The following MIGA2 variants were observed in gnomAD, a reference collection of about 807,000 sequenced individuals.
MIGA2 encodes the protein mitoguardin 2, also known as family with sequence similarity 73, member B.
In MIGA2, 36 loss-of-function variants were observed where a neutral mutation model predicts 69.9. That is an observed-to-expected ratio of 0.52 (90% CI 0.39 to 0.68). The LOEUF is 0.68. Among genes scored for constraint, MIGA2 ranks in the 30% least tolerant of loss-of-function variants. The pLI is 0.00. For missense variants in MIGA2, 660 were observed against 787.7 expected (o/e 0.84, Z 1.94); for synonymous variants, 333 against 349.2 (o/e 0.95, Z 0.52).
At chr9:129,067,996 C>A (rs776918878) in intron 12 of MIGA2, 125 bp downstream of exon 12, 76 of 1,282,078 alleles carry the variant, frequency 5.9e-5, no homozygotes, top group Non-Finnish European at 6.8e-5. Context: ...TGCTCATAGT[C>A]CCCGGTTCCT....
Position 129,040,621 on chromosome 9 carries a change from G to A in MIGA2, c.27G>A (p.Thr9=), listed in dbSNP as rs778117776. 10 of 1,613,510 alleles carry A rather than the reference G, an allele frequency of 6.2e-6. No individual in the cohort carries two copies. The highest frequency in any genetic ancestry group is 4.0e-5 in the African/African-American group (3 of 74,940). Reference sequence around the variant, plus strand: ...TGGCGTTCCGGAGGGCCGAGGGCACGTCTATGATCCAGGCCCTGGCCATGA... The same window carrying A: ...TGGCGTTCCGGAGGGCCGAGGGCACATCTATGATCCAGGCCCTGGCCATGA... MAFRRAEG[T]SMIQALAMTV... The change falls in exon 2 of 16, where the codon ACG becomes ACA. Residue 9 remains threonine, a synonymous_variant. Coordinates refer to ENST00000684074, the MANE Select transcript of MIGA2 (RefSeq NM_001329990.2).
At position 129,059,261 on chromosome 9, in the gene MIGA2, G is replaced by T; in HGVS notation, c.783G>T (p.Leu261=). ...FGSTFPADSM[L]LDLERTLMLP... ...CCACCTTCCCCGCAGACAGCATGCT[G>T]CTAGACCTCGGTGAGCTGGGCCCAG... The change falls in exon 7 of 16, where the codon CTG becomes CTT. Residue 261 remains leucine (L), a synonymous_variant. Coordinates refer to ENST00000684074, the MANE Select transcript of MIGA2 (RefSeq NM_001329990.2). This position sits in a 1 kb window ranked among gnomAD's most constrained non-coding sequence, Gnocchi z 5.6. The T allele has an allele frequency of 1.3e-6, 2 of 1,576,648 alleles. No individual in the cohort carries two copies. Among genetic ancestry groups the T allele is most frequent in the South Asian group, 2.3e-5 (2 of 86,952 alleles).
At chr9:129,053,393 C>T (rs1336824622) in intron 6 of MIGA2, among the ~76,000 whole-genome samples, 1 of 148,608 alleles carries the variant, frequency 6.7e-6, no homozygotes, top group African/African-American at 2.5e-5. Flanking sequence ...GACGGAGTTT[C>T]GCTTTTGTTG....
At chr9:129,062,742 G>A (rs1345838078) in intron 9 of MIGA2, among the ~76,000 whole-genome samples, 1 of 152,044 alleles carries the variant, frequency 6.6e-6, no homozygotes, top group Non-Finnish European at 1.5e-5. Context: ...TACTTGGGAG[G>A]CTGAGGCAGG....
rs747646886 is a variant in MIGA2 at position 129,049,994 on chromosome 9, A to G, written c.675+31A>G. ...TGGTCTTCTGCATCCCCCTACGCCC[A>G]TGGGATAAAGTTGGCAGCACAGGAG... On this transcript the variant is annotated intron_variant, in intron 6 of 15. Coordinates refer to ENST00000684074, the MANE Select transcript of MIGA2 (RefSeq NM_001329990.2). 9 of 1,591,494 alleles carry G rather than the reference A, an allele frequency of 5.7e-6. No individual in the cohort carries two copies. The South Asian group carries it at 7.8e-5, about 14-fold the overall frequency.
chr9:129,040,455 T>C lies in MIGA2; in HGVS notation c.-140T>C. 7.1e-7 allele frequency: 1 copy of C among 1,408,928 alleles called. No individual in the cohort carries two copies. Among genetic ancestry groups the C allele is most frequent in the Non-Finnish European group, 9.3e-7 (1 of 1,070,606 alleles). The allele number at this position is 1,408,928 out of a possible 1,614,324, so 87.3% of individuals were successfully genotyped here. A position where few individuals can be genotyped will look rare whatever the true frequency, so the allele number is the denominator to read the frequency against. ...GACTTGGTCATCTGTCTCTTAGCTC[T>C]GTGGAGGGGCCCTCTGGTATGTGTG... On this transcript the variant is annotated 5_prime_UTR_variant, in exon 2 of 16. Coordinates refer to ENST00000684074, the MANE Select transcript of MIGA2 (RefSeq NM_001329990.2).
chr9:129,051,860 CTG>C (rs1845563378), intron 6 of MIGA2, among the ~76,000 whole-genome samples: 1 of 149,520 alleles, frequency 6.7e-6, no homozygotes, highest in East Asian at 2.0e-4. Context: ...GAGTCTCACT[CTG>C]TTGCCCAGGC....
chr9:129,069,938 G>A lies in MIGA2; in HGVS notation c.1548G>A (p.Gln516=). 1 of 1,611,010 alleles carries A rather than the reference G, an allele frequency of 6.2e-7. No individual in the cohort carries two copies. Among genetic ancestry groups the A allele is most frequent in the Non-Finnish European group, 8.5e-7 (1 of 1,178,616 alleles). Residue 516 remains glutamine (Q), a synonymous_variant, in exon 15 of 16, where the codon CAG becomes CAA. Transcript: ENST00000684074. This position sits in a 1 kb window ranked among gnomAD's most constrained non-coding sequence, Gnocchi z 4.9. ...LAFGFLGPKP[Q]LAEVCAFFKH... ...TCGGCTTCCTTGGACCCAAGCCTCA[G>A]CTTGCTGAAGTCTGTGCTTTCTTCA...
chr9:129,051,987 A>G (rs566721126), intron 6 of MIGA2, among the ~76,000 whole-genome samples: 1 of 151,812 alleles, frequency 6.6e-6, no homozygotes, highest in East Asian at 1.9e-4. Flanking sequence ...CACCACGCCC[A>G]GCTAATTTTT....
intron 11 of MIGA2, among the ~76,000 whole-genome samples, chr9:129,064,327 C>G (rs1282427422): frequency 6.6e-6 from 1 of 152,036 alleles, no homozygotes; most frequent in Non-Finnish European, 1.5e-5. Flanking sequence ...CTGCCTCAGC[C>G]TCCCGAGTAG....
intron 6 of MIGA2, among the ~76,000 whole-genome samples, chr9:129,052,753 G>A (rs1186019175): frequency 6.6e-6 from 1 of 152,214 alleles, no homozygotes; most frequent in African/African-American, 2.4e-5. Context: ...GTCTGGCACA[G>A]CTGGTAACAA....
chr9:129,065,773 T>C (rs1329480570), intron 11 of MIGA2, among the ~76,000 whole-genome samples: 1 of 152,080 alleles, frequency 6.6e-6, no homozygotes, highest in African/African-American at 2.4e-5. Context: ...CCCTCTCCCT[T>C]CCTTGGTCAC....
rs551544876 is a variant in MIGA2, at chr9:129,060,027, G to T, written c.794-523G>T. 3.9e-5 allele frequency among the ~76,000 whole-genome samples: 6 copies of T among 152,294 alleles called. No individual in the cohort carries two copies. Among genetic ancestry groups the T allele is most frequent in the Non-Finnish European group, 4.4e-5 (3 of 68,024 alleles). ...TTAGGGTGGCCCGCCGCAGGTCTGT[G>T]GCCTTTGCTTATTTGCTCGACAATC... is the stretch of plus-strand genomic sequence containing the variant. On this transcript the variant is annotated intron_variant, in intron 7 of 15. Transcript: ENST00000684074. This position sits in a 1 kb window ranked among gnomAD's most constrained non-coding sequence, Gnocchi z 4.8.
At chr9:129,048,397 G>A in intron 3 of MIGA2, 30 bp from the exon 4 acceptor site, 2 of 1,579,812 alleles carry the variant, frequency 1.3e-6, no homozygotes, top group Non-Finnish European at 1.7e-6. Flanking sequence ...GGGGATGCCT[G>A]TGTGACGCCT....
At chr9:129,037,091 A>C (rs866830979) in intron 1 of MIGA2, 6 of 992,326 alleles carry the variant, frequency 6.0e-6, no homozygotes, top group Non-Finnish European at 7.3e-6. Context: ...TGGAGTGAGC[A>C]ATTTCTGAAG....
rs761452875 is a variant in MIGA2, at chr9:129,069,966, G to T, written c.1575+1G>T. On this transcript the variant is annotated splice_donor_variant, in intron 15 of 15. Transcript: ENST00000684074. LOFTEE classifies it high-confidence loss of function. This position sits in a 1 kb window ranked among gnomAD's most constrained non-coding sequence, Gnocchi z 4.9. ...TGCTGAAGTCTGTGCTTTCTTCAAGGTAAACAGAGAGCAGTTCTCGTTCTT... is the reference window on the plus strand; with the variant it reads ...TGCTGAAGTCTGTGCTTTCTTCAAGTTAAACAGAGAGCAGTTCTCGTTCTT... 1 of 1,595,904 alleles carries T rather than the reference G, an allele frequency of 6.3e-7. No homozygotes were observed. The highest frequency in any genetic ancestry group is 1.3e-5 in the African/African-American group (1 of 74,152).
intron 11 of MIGA2, chr9:129,067,544 A>C: frequency 1.8e-6 from 1 of 552,174 alleles, no homozygotes; most frequent in South Asian, 2.3e-5. Flanking sequence ...GCACTCCTGG[A>C]AGTTAGCAGG....
intron 6 of MIGA2, among the ~76,000 whole-genome samples, chr9:129,056,899 C>T (rs566115716): frequency 8.6e-5 from 13 of 152,032 alleles, no homozygotes; most frequent in Non-Finnish European, 1.3e-4. Flanking sequence ...CCGGGTGTGG[C>T]GGTACGTGCC....
Position 129,060,484 on chromosome 9 carries a change from A to G in MIGA2, c.794-66A>G, listed in dbSNP as rs1846008738. The G allele has an allele frequency of 7.6e-7, 1 of 1,311,160 alleles. No homozygotes were observed. 81.2% of individuals were successfully genotyped at this position (1,311,160 alleles called of 1,614,324 possible). On this transcript the variant is annotated intron_variant, in intron 7 of 15. Transcript: ENST00000684074. The surrounding 1 kb of genome is among the most constrained non-coding windows in gnomAD (Gnocchi z 4.8). ...CTGGGCCTGATGGGGGACTTCGTGT[A>G]CCGGGATTCCAGCTGAGCACTGTGT...
Sources: gnomAD v4.1 joint callset for allele counts (sites outside exome capture counted in the v4.1 genomes callset) on GRCh38, gnomAD v4.1.1 for gene constraint, Gnocchi (gnomAD v3.1) non-coding constraint, MANE v1.5 for transcripts, NCBI Gene and HGNC (gene_info 2026-07-23, HGNC 2026-07-21) for gene names.